The following ZFHX3 variants were observed in gnomAD, a reference collection of about 807,000 sequenced individuals.
ZFHX3 encodes zinc finger homeobox 3.
A neutral mutation model predicts 279.1 loss-of-function variants in ZFHX3; 42 were observed. That is an observed-to-expected ratio of 0.15 (90% confidence interval 0.12 to 0.19). The LOEUF (loss-of-function observed/expected upper bound fraction) is 0.19, where lower values mean the gene tolerates loss of function less well. ZFHX3 is among the 10% of genes least tolerant of loss of function. The pLI is 1.00. For missense variants in ZFHX3, 4,981 were observed against 4,754.0 expected, an observed-to-expected ratio of 1.05 and a Z score of -1.40; for synonymous variants, 2,293 against 1,957.8, an observed-to-expected ratio of 1.17 and a Z score of -4.52.
intron 3 of ZFHX3, among the ~76,000 whole-genome samples, chr16:73,353,692 G>A (rs11647160): frequency 0.47 from 70,773 of 151,972 alleles, 19,870 homozygotes; most frequent in Non-Finnish European, 0.62. Flanking sequence ...ACAAAATCAC[G>A]TGAATGCTGT....
chr16:73,225,893 G>A (rs1216099753), intron 5 of ZFHX3, among the ~76,000 whole-genome samples: 3 of 152,018 alleles, frequency 2.0e-5, no homozygotes. Context: ...AAGTCCTATT[G>A]ACCGACACCT....
chr16:72,961,289 G>A (rs1307153320), intron 1 of ZFHX3, among the ~76,000 whole-genome samples: 1 of 152,216 alleles, frequency 6.6e-6, no homozygotes, highest in Non-Finnish European at 1.5e-5. Context: ...GTTCAGCCCT[G>A]GGGCTTTTCC....
At chr16:73,716,548 A>C (rs1031907293) in intron 1 of ZFHX3, among the ~76,000 whole-genome samples, 1 of 152,028 alleles carries the variant, frequency 6.6e-6, no homozygotes, top group Non-Finnish European at 1.5e-5. Flanking sequence ...GGAAGGATGC[A>C]CCTAAGAGAA....
At chr16:72,922,698 T>C (rs1468364098) in intron 3 of ZFHX3, among the ~76,000 whole-genome samples, 1 of 152,196 alleles carries the variant, frequency 6.6e-6, no homozygotes, top group Non-Finnish European at 1.5e-5. Flanking sequence ...AATTGCCTTG[T>C]GTGATCAAAA....
intron 5 of ZFHX3, among the ~76,000 whole-genome samples, chr16:73,169,663 A>C (rs1967472814): frequency 6.6e-6 from 1 of 151,772 alleles, no homozygotes; most frequent in Non-Finnish European, 1.5e-5. Flanking sequence ...TGTCTCAAAA[A>C]AGGAAAAAAA....
intron 3 of ZFHX3, among the ~76,000 whole-genome samples, chr16:73,428,556 G>A (rs7186393): frequency 0.011 from 1,629 of 152,296 alleles, 29 homozygotes; most frequent in African/African-American, 0.036. Context: ...CAGGCATGCA[G>A]GGTCGAGGAA....
At chr16:72,863,895 T>C (rs183596183) in intron 4 of ZFHX3, among the ~76,000 whole-genome samples, 113 of 152,240 alleles carry the variant, frequency 7.4e-4, no homozygotes, top group Non-Finnish European at 2.6e-4. Context: ...GGTGGGTGGA[T>C]CATGAGGTCA....
intron 2 of ZFHX3, among the ~76,000 whole-genome samples, chr16:73,507,423 T>A (rs1432742240): frequency 6.7e-6 from 1 of 150,212 alleles, no homozygotes; most frequent in Non-Finnish European, 1.5e-5. Flanking sequence ...CTCCCTTGGA[T>A]GGACACAGTG....
At chr16:73,490,719 C>A (rs1259372126) in intron 2 of ZFHX3, among the ~76,000 whole-genome samples, 1 of 152,086 alleles carries the variant, frequency 6.6e-6, no homozygotes, top group Admixed American at 6.5e-5. Flanking sequence ...GTGCTATAGT[C>A]CCAGCTACTC....
chr16:73,775,720 T>C (rs1209254550), intron 1 of ZFHX3, among the ~76,000 whole-genome samples: 1 of 152,168 alleles, frequency 6.6e-6, no homozygotes, highest in Non-Finnish European at 1.5e-5. Flanking sequence ...GATAGAGCCT[T>C]AGAAATTTGT....
At chr16:73,405,577 G>GT (rs896174971) in intron 3 of ZFHX3, among the ~76,000 whole-genome samples, 37 of 139,730 alleles carry the variant, frequency 2.6e-4, no homozygotes, top group African/African-American at 5.8e-5. Flanking sequence ...TTATACATTA[G>GT]TTTTTTTGTT....
intron 2 of ZFHX3, among the ~76,000 whole-genome samples, chr16:73,577,295 C>T (rs1318254404): frequency 6.6e-6 from 1 of 152,140 alleles, no homozygotes; most frequent in Non-Finnish European, 1.5e-5. Flanking sequence ...GCACTTCCTT[C>T]TTCTTTACTT....
intron 1 of ZFHX3, among the ~76,000 whole-genome samples, chr16:73,004,192 G>T: frequency 1.6e-5 from 1 of 64,278 alleles, no homozygotes; most frequent in Non-Finnish European, 2.5e-5. Context: ...TTTAAGTAGA[G>T]ACAGGTATCA....
intron 2 of ZFHX3, among the ~76,000 whole-genome samples, chr16:73,589,437 A>G (rs1474625614): frequency 4.8e-5 from 1 of 20,700 alleles, no homozygotes; most frequent in African/African-American, 2.0e-4. Flanking sequence ...CGCTCTTTCA[A>G]AAAAAAAAAA....
chr16:73,322,917 T>C (rs1323829675), intron 3 of ZFHX3, among the ~76,000 whole-genome samples: 3 of 152,242 alleles, frequency 2.0e-5, no homozygotes, highest in Non-Finnish European at 4.4e-5. Context: ...CCACTTGTTT[T>C]GTGTAATTAA....
rs903256275 is a variant in ZFHX3 at position 73,835,069 on chromosome 16, G to T, written c.-1608+56582C>A. ...TGGAAAAGGTGTTCTGGTAGCAAAGGTGCCACTCTATGTTATGACTCCCCC... is the reference window on the plus strand; with the variant it reads ...TGGAAAAGGTGTTCTGGTAGCAAAGTTGCCACTCTATGTTATGACTCCCCC... On this transcript the variant is annotated intron_variant, in intron 1 of 17. Coordinates refer to the ZFHX3 transcript ENST00000641206. Among the ~76,000 whole-genome samples the T allele has an allele frequency of 2.0e-4, 31 of 152,164 alleles. 1 individual carries two copies. The highest frequency in any genetic ancestry group is 6.8e-4 in the African/African-American group (28 of 41,426).
At chr16:73,531,381 C>T (rs974939131) in intron 2 of ZFHX3, among the ~76,000 whole-genome samples, 14 of 152,112 alleles carry the variant, frequency 9.2e-5, no homozygotes, top group South Asian at 6.2e-4. Flanking sequence ...CTTTCTTATG[C>T]GACAATTTTT....
chr16:73,706,829 G>A (rs1313697613), intron 1 of ZFHX3, among the ~76,000 whole-genome samples: 1 of 152,088 alleles, frequency 6.6e-6, no homozygotes, highest in Non-Finnish European at 1.5e-5. Flanking sequence ...GCTTCAATGA[G>A]CAAACTGCTT....
At chr16:73,437,398 G>A (rs1386452384) in intron 3 of ZFHX3, among the ~76,000 whole-genome samples, 2 of 152,128 alleles carry the variant, frequency 1.3e-5, no homozygotes, top group African/African-American at 2.4e-5. Flanking sequence ...TGTATAACAT[G>A]CCTTTTTATC....
Sources: allele counts gnomAD v4.1 joint callset (sites outside exome capture counted in the v4.1 genomes callset), GRCh38; gene constraint gnomAD v4.1.1; transcripts MANE v1.5; gene names NCBI Gene and HGNC (gene_info 2026-07-23, HGNC 2026-07-21).